The following SMURF1 variants were observed in gnomAD, a reference collection of about 807,000 sequenced individuals.
The protein encoded by SMURF1 is E3 ubiquitin-protein ligase SMURF1.
SMURF1 carries 44 observed loss-of-function variants against 98.0 expected under a neutral mutation model. The ratio of observed to expected loss-of-function variants is 0.45; its 90% confidence interval spans 0.35 to 0.58. The LOEUF (loss-of-function observed/expected upper bound fraction) is 0.58, where lower values mean the gene tolerates loss of function less well. SMURF1 is among the 20% of genes least tolerant of loss of function. SMURF1 has a pLI of 0.00. For synonymous variants in SMURF1, 396 were observed against 374.9 expected, an observed-to-expected ratio of 1.06 and a Z score of -0.65; for missense variants, 687 against 938.4, an observed-to-expected ratio of 0.73 and a Z score of 3.50.
chr7:99,039,940 T>A (rs1795308294), intron 13 of SMURF1, among the ~76,000 whole-genome samples: 1 of 152,142 alleles, frequency 6.6e-6, no homozygotes, highest in Non-Finnish European at 1.5e-5. Flanking sequence ...GGCCCCTGTG[T>A]AGGTTAACTG....
At chr7:99,115,092 A>G (rs1797407674) in intron 1 of SMURF1, among the ~76,000 whole-genome samples, 1 of 151,940 alleles carries the variant, frequency 6.6e-6, no homozygotes, top group South Asian at 2.1e-4. Flanking sequence ...GAAAAAGAAC[A>G]GCAAATTCAA....
intron 10 of SMURF1, 49 bp downstream of exon 10, chr7:99,047,635 C>T (rs1205176387): frequency 6.3e-7 from 1 of 1,585,016 alleles, no homozygotes; most frequent in Non-Finnish European, 8.7e-7. Flanking sequence ...GTCTGAATTG[C>T]CTTATTTGTT....
chr7:99,114,868 T>C (rs1159310509), intron 1 of SMURF1, among the ~76,000 whole-genome samples: 1 of 151,892 alleles, frequency 6.6e-6, no homozygotes, highest in Non-Finnish European at 1.5e-5. Flanking sequence ...TTTACAAAAA[T>C]GTGAACTTAT....
intron 11 of SMURF1, 179 bp downstream of exon 11, chr7:99,045,519 G>A (rs573916259): frequency 9.1e-6 from 5 of 551,144 alleles, no homozygotes; most frequent in African/African-American, 3.8e-5. Context: ...GAGCATGCTC[G>A]GAGGAATTCC....
Position 99,057,680 on chromosome 7 carries a change from C to G in SMURF1, c.204-129G>C, listed in dbSNP as rs1004767132. On this transcript the variant is annotated intron_variant, in intron 3 of 17. Coordinates refer to ENST00000361368, the MANE Select transcript of SMURF1 (RefSeq NM_181349.3). ...AGTGCAGTTGTGTGATCTCAGCTCA[C>G]TGCAACTCCCAAGTTCAAGTGATTC... 4.6e-6 allele frequency: 5 copies of G among 1,091,442 alleles called. No individual in the cohort carries two copies. In the African/African-American group the frequency reaches 8.2e-5, roughly 18 times the overall value. The allele number at this position is 1,091,442 out of a possible 1,614,324, so 67.6% of individuals were successfully genotyped here.
intron 1 of SMURF1, among the ~76,000 whole-genome samples, chr7:99,069,434 C>A (rs1796271844): frequency 6.6e-6 from 1 of 152,192 alleles, no homozygotes; most frequent in Admixed American, 6.5e-5. Context: ...ACACAGCTCA[C>A]TGCAGTCTCG....
rs536477978 is a variant in SMURF1 at position 99,060,649 on chromosome 7, G to A, written c.153C>T (p.Thr51=). ...GGTCCAATGTGTTTTTCACAGTGTC[G>A]GTTGAGTGGCACTGCCCAGACCCAT... The part of the protein sequence containing the change: ...VVDGSGQCHS[T]DTVKNTLDPK... The change falls in exon 3 of 18, where the codon ACC becomes ACT. Residue 51 remains threonine (T), a synonymous_variant. Transcript: ENST00000361368. The A allele has an allele frequency of 1.6e-5, 26 of 1,613,878 alleles. No homozygotes were observed. The highest frequency in any genetic ancestry group is 5.3e-5 in the African/African-American group (4 of 74,980).
chr7:99,128,953 T>G (rs149201481), intron 1 of SMURF1, among the ~76,000 whole-genome samples: 1 of 152,348 alleles, frequency 6.6e-6, no homozygotes, highest in East Asian at 1.9e-4. Flanking sequence ...ATTATTAAAT[T>G]TCTAGTGTTG....
chr7:99,060,136 G>A (rs1341215468), intron 3 of SMURF1, among the ~76,000 whole-genome samples: 1 of 151,976 alleles, frequency 6.6e-6, no homozygotes, highest in Non-Finnish European at 1.5e-5. Flanking sequence ...CCAACACTTT[G>A]GGAGGCTAAG....
At chr7:99,066,558 G>T (rs549857101) in intron 1 of SMURF1, among the ~76,000 whole-genome samples, 2 of 151,962 alleles carry the variant, frequency 1.3e-5, no homozygotes, top group Non-Finnish European at 2.9e-5. Context: ...AGGTGGGATC[G>T]CTTGAGCTCA....
chr7:99,038,624 C>A, intron 13 of SMURF1, 99 bp from the exon 14 acceptor site: 1 of 1,421,368 alleles, frequency 7.0e-7, no homozygotes, highest in Non-Finnish European at 9.6e-7. Flanking sequence ...CCCGGGGCTG[C>A]AAGACAGGAC....
intron 1 of SMURF1, among the ~76,000 whole-genome samples, chr7:99,076,013 T>C (rs2150562144): frequency 6.6e-6 from 1 of 152,356 alleles, no homozygotes; most frequent in African/African-American, 2.4e-5. Context: ...AAATAGAGCA[T>C]GGCCAGTTCC....
At chr7:99,045,881 G>A (rs931539449) in intron 10 of SMURF1, 80 bp from the exon 11 acceptor site, 11 of 1,081,618 alleles carry the variant, frequency 1.0e-5, no homozygotes, top group South Asian at 1.3e-5. Context: ...AATGGAGCCC[G>A]GTTAAGAACA....
intron 1 of SMURF1, among the ~76,000 whole-genome samples, chr7:99,067,211 T>C (rs972893379): frequency 3.3e-5 from 5 of 151,966 alleles, no homozygotes; most frequent in Non-Finnish European, 5.9e-5. Flanking sequence ...TTGGTCAGGC[T>C]GGTCTTGAAC....
intron 1 of SMURF1, among the ~76,000 whole-genome samples, chr7:99,103,382 T>C (rs1797132131): frequency 6.6e-6 from 1 of 152,186 alleles, no homozygotes; most frequent in African/African-American, 2.4e-5. Context: ...CGGGGAAAGG[T>C]ATTTAAAATG....
At chr7:99,035,807 A>T in intron 15 of SMURF1, 91 bp from the exon 16 acceptor site, 1 of 1,284,996 alleles carries the variant, frequency 7.8e-7, no homozygotes, top group African/African-American at 1.5e-5. Context: ...AACAGTGAAA[A>T]GTCGATTCCC....
intron 1 of SMURF1, among the ~76,000 whole-genome samples, chr7:99,132,784 T>C (rs1251851737): frequency 6.6e-6 from 1 of 151,156 alleles, no homozygotes; most frequent in African/African-American, 2.4e-5. Flanking sequence ...ATTTGAGGAC[T>C]GGGGTGGAGA....
intron 14 of SMURF1, among the ~76,000 whole-genome samples, chr7:99,037,815 C>T (rs770696753): frequency 5.3e-5 from 8 of 152,230 alleles, no homozygotes; most frequent in Non-Finnish European, 1.2e-4. Flanking sequence ...CCTTGGGAGG[C>T]GGAAGCAAGA....
At chr7:99,128,815 A>G (rs1163644631) in intron 1 of SMURF1, among the ~76,000 whole-genome samples, 1 of 152,234 alleles carries the variant, frequency 6.6e-6, no homozygotes, top group East Asian at 1.9e-4. Context: ...TTCAAGCAAT[A>G]GCAACGATGT....
Sources: allele counts gnomAD v4.1 joint callset (sites outside exome capture counted in the v4.1 genomes callset), GRCh38; gene constraint gnomAD v4.1.1; transcripts MANE v1.5; gene names NCBI Gene and HGNC (gene_info 2026-07-23, HGNC 2026-07-21).